NRXN2: variants seen among roughly 807,000 people sequenced by gnomAD.
NRXN2 encodes neurexin-2-beta.
Under a neutral mutation model 128.8 loss-of-function variants are expected in NRXN2, and 29 were observed. The observed-to-expected ratio is 0.23, with a 90% CI of 0.17 to 0.31. NRXN2 has a LOEUF of 0.31. Among genes scored for constraint, NRXN2 ranks in the 10% least tolerant of loss-of-function variants. The probability of loss-of-function intolerance (pLI) is 1.00; values close to 1 mark genes in which losing one functional copy is unlikely to be tolerated. For synonymous variants in NRXN2, 1,098 were observed against 1,075.2 expected, an observed-to-expected ratio of 1.02 and a Z score of -0.41; for missense variants, 1,881 against 2,452.6, an observed-to-expected ratio of 0.77 and a Z score of 4.92.
At chr11:64,717,053 C>T (rs181494841) in intron 1 of NRXN2, among the ~76,000 whole-genome samples, 1 of 152,260 alleles carries the variant, frequency 6.6e-6, no homozygotes, top group East Asian at 1.9e-4. Context: ...TCCTGAGCTC[C>T]TGGAACTTAG....
chr11:64,691,209 G>A (rs2053762247), intron 4 of NRXN2, among the ~76,000 whole-genome samples: 1 of 152,186 alleles, frequency 6.6e-6, no homozygotes, highest in Non-Finnish European at 1.5e-5. Context: ...CAAAAGGGCT[G>A]TGCAAGTCAA....
intron 7 of NRXN2, among the ~76,000 whole-genome samples, chr11:64,672,489 G>A (rs2050763980): frequency 6.6e-6 from 1 of 152,158 alleles, no homozygotes; most frequent in Admixed American, 6.5e-5. Flanking sequence ...AAGACGGAGG[G>A]CGGGTATTTT....
chr11:64,644,699 G>A (rs1364158675), intron 17 of NRXN2, among the ~76,000 whole-genome samples: 1 of 152,082 alleles, frequency 6.6e-6, no homozygotes, highest in Non-Finnish European at 1.5e-5. Flanking sequence ...GAGAGGTGGA[G>A]AGGGCACCTG....
In NRXN2 at chr11:64,648,130, C is replaced by T. The variant is rs962766343; in HGVS notation, c.3403+89G>A. 3.6e-5 allele frequency: 57 copies of T among 1,573,282 alleles called. No homozygotes were observed. The African/African-American group carries it at 5.5e-4, about 15-fold the overall frequency. ...AGAAGCAGCACAGCTCCTGAATGCT[C>T]AGAGGCCCTGTTTCCTCCCTGGCAG... is the stretch of plus-strand genomic sequence containing the variant. On this transcript the variant is annotated intron_variant, in intron 17 of 22. Coordinates refer to ENST00000265459, the MANE Select transcript of NRXN2 (RefSeq NM_015080.4). This position sits in a 1 kb window ranked among gnomAD's most constrained non-coding sequence, Gnocchi z 4.1.
In NRXN2 at chr11:64,623,138, G is replaced by C; in HGVS notation, c.3848-60C>G. On this transcript the variant is annotated intron_variant, in intron 20 of 22. Coordinates refer to ENST00000265459, the MANE Select transcript of NRXN2 (RefSeq NM_015080.4). This position sits in a 1 kb window ranked among gnomAD's most constrained non-coding sequence, Gnocchi z 4.9. ...CAGGCAGTGAGGGGAGACCAGGAAGGGAAGGAAGAAAAGAAGGAAGCCAAG... is the reference window on the plus strand; with the variant it reads ...CAGGCAGTGAGGGGAGACCAGGAAGCGAAGGAAGAAAAGAAGGAAGCCAAG... 1 of 1,541,112 alleles carries C rather than the reference G, an allele frequency of 6.5e-7. No homozygotes were observed. The highest frequency in any genetic ancestry group is 8.8e-7 in the Non-Finnish European group (1 of 1,139,614).
chr11:64,654,682 G>A (rs965209317), intron 11 of NRXN2, among the ~76,000 whole-genome samples: 8 of 152,190 alleles, frequency 5.3e-5, no homozygotes, highest in Admixed American at 2.6e-4. Flanking sequence ...CTTGCAGAGG[G>A]AACAGTGGAC....
chr11:64,694,659 C>T (rs1345875826), intron 3 of NRXN2, among the ~76,000 whole-genome samples: 1 of 152,112 alleles, frequency 6.6e-6, no homozygotes, highest in African/African-American at 2.4e-5. Context: ...GCATTTGAAC[C>T]GAGTCTCCTC....
At chr11:64,608,889 GA>G (rs1389623626) in intron 22 of NRXN2, among the ~76,000 whole-genome samples, 2 of 152,142 alleles carry the variant, frequency 1.3e-5, no homozygotes, top group Non-Finnish European at 2.9e-5. Context: ...GGAGGGCTTA[GA>G]GAGTAGGGAC....
chr11:64,641,170 A>G (rs2045607126), intron 17 of NRXN2, among the ~76,000 whole-genome samples: 1 of 152,098 alleles, frequency 6.6e-6, no homozygotes, highest in Non-Finnish European at 1.5e-5. Context: ...AGAGAGGGGC[A>G]CAGAGAGGAG....
chr11:64,649,428 C>T (rs2047160466), intron 15 of NRXN2, among the ~76,000 whole-genome samples: 2 of 152,202 alleles, frequency 1.3e-5, no homozygotes, highest in South Asian at 2.1e-4. Flanking sequence ...TCCCCTGCCA[C>T]AGAGCCTAAC....
At chr11:64,619,432 C>T (rs985316054) in intron 22 of NRXN2, among the ~76,000 whole-genome samples, 2 of 152,038 alleles carry the variant, frequency 1.3e-5, no homozygotes, top group African/African-American at 2.4e-5. Context: ...ACTCACTGCA[C>T]CACTCCACAT....
Position 64,713,716 on chromosome 11 carries a change from G to T in NRXN2, c.-17C>A. On this transcript the variant is annotated 5_prime_UTR_variant, in exon 2 of 23. Transcript: ENST00000265459. ...GGACGCCATGCCTACGGCGGCCCCG[G>T]CCCCGCCCGGCCCCCGGCCCCCGCT... 1 of 1,049,212 alleles carries T rather than the reference G, an allele frequency of 9.5e-7. No individual in the cohort carries two copies. The highest frequency in any genetic ancestry group is 1.1e-6 in the Non-Finnish European group (1 of 872,944). 65.0% of individuals were successfully genotyped at this position (1,049,212 alleles called of 1,614,324 possible). A position where few individuals can be genotyped will look rare whatever the true frequency, so the allele number is the denominator to read the frequency against.
chr11:64,639,681 G>A (rs73492154), intron 17 of NRXN2, among the ~76,000 whole-genome samples: 198 of 152,160 alleles, frequency 1.3e-3, no homozygotes, highest in African/African-American at 4.6e-3. Context: ...TTATGTAACA[G>A]GAAGAGTTGG....
At chr11:64,642,532 C>G in intron 17 of NRXN2, 1 of 1,607,302 alleles carries the variant, frequency 6.2e-7, no homozygotes, top group Non-Finnish European at 8.5e-7. Context: ...TCTACAGTGC[C>G]ACTTACCGTG....
At chr11:64,652,574 T>G (rs1295456323) in intron 12 of NRXN2, among the ~76,000 whole-genome samples, 1 of 152,096 alleles carries the variant, frequency 6.6e-6, no homozygotes, top group Non-Finnish European at 1.5e-5. Flanking sequence ...AGAAGCTATA[T>G]TCCCAGGGTG....
At chr11:64,701,507 G>A (rs1031281223) in intron 2 of NRXN2, among the ~76,000 whole-genome samples, 2 of 152,166 alleles carry the variant, frequency 1.3e-5, no homozygotes, top group South Asian at 2.1e-4. Flanking sequence ...GGGAAGCCAC[G>A]GTGGGAGGAT....
At chr11:64,634,918 G>A (rs1475221003) in intron 18 of NRXN2, among the ~76,000 whole-genome samples, 1 of 152,180 alleles carries the variant, frequency 6.6e-6, no homozygotes, top group African/African-American at 2.4e-5. Context: ...CCCAGGGGAA[G>A]TCACAAATGT....
At chr11:64,693,768 G>A (rs924002714) in intron 3 of NRXN2, among the ~76,000 whole-genome samples, 1 of 152,180 alleles carries the variant, frequency 6.6e-6, no homozygotes, top group Non-Finnish European at 1.5e-5. Context: ...ACTGGGGTCA[G>A]AGCTCTCAGA....
In NRXN2 at chr11:64,698,042, C is replaced by T. The variant is rs72643567; in HGVS notation, c.731-250G>A. ...TCAGCCAGTACCCATCACACCCAAC[C>T]CTCAAGTAACATTTCAGGAAACCGA... On this transcript the variant is annotated intron_variant, in intron 2 of 22. Coordinates refer to ENST00000265459, the MANE Select transcript of NRXN2 (RefSeq NM_015080.4). 0.12 allele frequency among the ~76,000 whole-genome samples: 18,156 copies of T among 152,096 alleles called. 1,426 individuals carry two copies. The highest frequency in any genetic ancestry group is 0.3 in the East Asian group (1,534 of 5,152).
Sources: allele counts gnomAD v4.1 joint callset (sites outside exome capture counted in the v4.1 genomes callset), GRCh38; gene constraint gnomAD v4.1.1; non-coding constraint Gnocchi (gnomAD v3.1); transcripts MANE v1.5; gene names NCBI Gene and HGNC (gene_info 2026-07-23, HGNC 2026-07-21).